Variants in PLXNA3 observed in about 807,000 individuals in gnomAD.
PLXNA3 encodes the protein plexin A3.
PLXNA3 carries 52 observed loss-of-function variants against 118.8 expected under a neutral mutation model. That is an observed-to-expected ratio of 0.44 (90% CI 0.35 to 0.55). PLXNA3 has a LOEUF of 0.55. Ranked by LOEUF, PLXNA3 falls within the 20% of genes least tolerant of loss-of-function variation. The probability of loss-of-function intolerance (pLI) is 0.01; values close to 1 mark genes in which losing one functional copy is unlikely to be tolerated. For missense variants in PLXNA3, 1,660 were observed against 1,730.8 expected, an observed-to-expected ratio of 0.96 and a Z score of 0.73; for synonymous variants, 925 against 762.4, an observed-to-expected ratio of 1.21 and a Z score of -3.51.
In PLXNA3 at chrX:154,460,424, C is replaced by T. The variant is rs371800667; in HGVS notation, c.241C>T (p.Pro81Ser). ...VEDNARCYPP[P>S]SMRVCAHRLA... The stretch of plus-strand genomic sequence containing the variant: ...GGACAACGCTCGCTGCTACCCGCCC[C>T]CCAGCATGCGCGTGTGTGCCCACCG... The change falls in exon 2 of 33, where the codon CCC becomes TCC. Residue 81 changes from proline to serine, a missense_variant. By Grantham distance (74) the Pro-to-Ser change is moderately conservative. This residue lies in a region of PLXNA3 where 791 missense variants were observed against 652.1 expected (regional missense o/e 1.21). Transcript: ENST00000369682. 8.3e-7 allele frequency: 1 copy of T among 1,202,519 alleles called. No homozygotes were observed. The highest frequency in any genetic ancestry group is 1.1e-6 in the Non-Finnish European group (1 of 890,346).
Position 154,461,380 on chromosome X carries a change from G to A in PLXNA3, c.876G>A (p.Val292=), listed in dbSNP as rs782376676. 2.3e-5 allele frequency: 28 copies of A among 1,211,094 alleles called. No homozygotes were observed. The highest frequency in any genetic ancestry group is 2.9e-5 in the Non-Finnish European group (26 of 895,350). The change falls in exon 3 of 33, where the codon GTG becomes GTA. Residue 292 remains valine, a synonymous_variant. Transcript: ENST00000369682. ...GGCGCGGCGTGGAGTACCGCTTGGT[G>A]CAGAGCGCCCACCTGGCCAAGCCTG... ...CSWRGVEYRL[V]QSAHLAKPGL...
intron 1 of PLXNA3, among the ~76,000 whole-genome samples, chrX:154,458,921 G>A (rs2068887707): frequency 8.9e-6 from 1 of 111,804 alleles, no homozygotes; most frequent in South Asian, 3.8e-4. Flanking sequence ...CCTGTTCCTA[G>A]GCTTGTGTTC....
At chrX:154,466,871 G>A (rs948643363) in intron 17 of PLXNA3, 78 bp downstream of exon 17, 99 of 967,686 alleles carry the variant, frequency 1.0e-4, no homozygotes, top group Middle Eastern at 3.6e-4. Flanking sequence ...CTCCGGTGGG[G>A]CCCCTCCTGG....
In PLXNA3 at chrX:154,472,766, T is replaced by C. The variant is rs2069201546; in HGVS notation, c.*81T>C. On this transcript the variant is annotated 3_prime_UTR_variant, in exon 33 of 33. Transcript: ENST00000369682. ...GGGGAGTGGCTGGCTCAAGCCTGGGTCCCCGGGCTGAGCCCTGGATTGGGT... is the reference window on the plus strand; with the variant it reads ...GGGGAGTGGCTGGCTCAAGCCTGGGCCCCCGGGCTGAGCCCTGGATTGGGT... The C allele has an allele frequency of 6.0e-5, 44 of 737,972 alleles. No individual in the cohort carries two copies. The South Asian group carries it at 9.8e-4, about 16-fold the overall frequency. 60.8% of individuals were successfully genotyped at this position (737,972 alleles called of 1,213,427 possible). A position where few individuals can be genotyped will look rare whatever the true frequency, so the allele number is the denominator to read the frequency against.
rs2069201924 is a variant in PLXNA3 at position 154,472,794 on chromosome X, C to T, written c.*109C>T. 2 of 567,122 alleles carry T rather than the reference C, an allele frequency of 3.5e-6. No homozygotes were observed. The highest frequency in any genetic ancestry group is 6.1e-6 in the Non-Finnish European group (2 of 330,251). 46.7% of individuals were successfully genotyped at this position (567,122 alleles called of 1,213,427 possible). ...CCGGGCTGAGCCCTGGATTGGGTATCGTGGGGCAGGTCACCCTGGCCACGA... is the reference window on the plus strand; with the variant it reads ...CCGGGCTGAGCCCTGGATTGGGTATTGTGGGGCAGGTCACCCTGGCCACGA... On this transcript the variant is annotated 3_prime_UTR_variant, in exon 33 of 33. Transcript: ENST00000369682.
At chrX:154,471,048 G>C in intron 30 of PLXNA3, 57 bp from the exon 31 acceptor site, 2 of 1,029,763 alleles carry the variant, frequency 1.9e-6, no homozygotes, top group South Asian at 3.9e-5. Context: ...GCACATGGGA[G>C]GGGCCCCTTG....
At position 154,468,073 on chromosome X, in the gene PLXNA3, A is replaced by AC; in HGVS notation, c.3821-3dup. ...TCCTGCCCACTCATTCCCTCTCTCC[A>AC]CCCCCCAGCTTTTGCAGAGCTGCAG... On this transcript the variant is annotated splice_polypyrimidine_tract_variant and intron_variant, in intron 21 of 32. Coordinates refer to ENST00000369682, the MANE Select transcript of PLXNA3 (RefSeq NM_017514.5). 2 of 1,189,314 alleles carry AC rather than the reference A, an allele frequency of 1.7e-6. No individual in the cohort carries two copies. The highest frequency in any genetic ancestry group is 3.7e-5 in the South Asian group (2 of 53,650).
Position 154,460,198 on chromosome X carries a change from C to A in PLXNA3, c.15C>A (p.Cys5Ter). Residue 5 changes from cysteine (C) to a stop codon, truncating the protein, a stop_gained, in exon 2 of 33, where the codon TGC (cysteine) becomes TGA (stop). Transcript: ENST00000369682. LOFTEE classifies it high-confidence loss of function. The part of the protein sequence containing the change: MPSV[C>*]LLLLLFLAVG... ...GGCTGCCGGCCATGCCCTCTGTCTG[C>A]CTCCTCCTGCTGCTCTTCCTTGCCG... is the stretch of plus-strand genomic sequence containing the variant. The A allele has an allele frequency of 8.3e-7, 1 of 1,204,845 alleles. No individual in the cohort carries two copies. Among genetic ancestry groups the A allele is most frequent in the East Asian group, 3.0e-5 (1 of 33,838 alleles).
rs375560348 is a variant in PLXNA3, at chrX:154,467,582, G to A, written c.3479G>A (p.Arg1160His). 51 of 1,198,883 alleles carry A rather than the reference G, an allele frequency of 4.3e-5. No homozygotes were observed. In the East Asian group the frequency reaches 8.4e-4, roughly 20 times the overall value. Residue 1160 changes from arginine to histidine, a missense_variant, in exon 20 of 33, where the codon CGC becomes CAC. Coordinates refer to ENST00000369682, the MANE Select transcript of PLXNA3 (RefSeq NM_017514.5). ...ATTCCCGCTGCAGCCGGCAGCTCCC[G>A]CCTCAACTACACTGTGCTGATAGGA... ...NLIPAAAGSS[R>H]LNYTVLIGGQ...
At chrX:154,470,188 A>T (rs782304328) in intron 29 of PLXNA3, 21 bp downstream of exon 29, 3 of 1,196,055 alleles carry the variant, frequency 2.5e-6, no homozygotes, top group Non-Finnish European at 3.4e-6. Context: ...GCCTCTCGCC[A>T]CCTTGGCCTC....
At chrX:154,466,904 G>C in intron 17 of PLXNA3, 111 bp downstream of exon 17, 4 of 868,424 alleles carry the variant, frequency 4.6e-6, no homozygotes, top group Non-Finnish European at 6.4e-6. Context: ...CATTGGTGGA[G>C]GGGGTGGAGC....
chrX:154,461,698 C>G, intron 3 of PLXNA3, 60 bp downstream of exon 3: 3 of 1,045,712 alleles, frequency 2.9e-6, no homozygotes, highest in Non-Finnish European at 3.9e-6. Flanking sequence ...CCATGCCCAG[C>G]GTGGGCTCAC....
rs1342315849 is a variant in PLXNA3 at position 154,460,284 on chromosome X, C to A, written c.101C>A (p.Thr34Asn). 3 of 1,206,955 alleles carry A rather than the reference C, an allele frequency of 2.5e-6. No homozygotes were observed. The highest frequency in any genetic ancestry group is 4.4e-5 in the Admixed American group (2 of 45,930). The change falls in exon 2 of 33, where the codon ACC becomes AAC. Residue 34 changes from threonine to asparagine, a missense_variant. By Grantham distance (65) the Thr-to-Asn change is moderately conservative. Coordinates refer to ENST00000369682, the MANE Select transcript of PLXNA3 (RefSeq NM_017514.5). Reference protein sequence around the residue: ...RAFVVTDTTLTHLAVHRVTGE... With the variant: ...RAFVVTDTTLNHLAVHRVTGE... ...TTCGTGGTGACAGACACCACGCTTACCCACCTGGCTGTGCACCGGGTGACT... is the reference window on the plus strand; with the variant it reads ...TTCGTGGTGACAGACACCACGCTTAACCACCTGGCTGTGCACCGGGTGACT...
rs782752357 is a variant in PLXNA3, at chrX:154,466,358, G to T, written c.2800-18G>T. 1.1e-5 allele frequency: 13 copies of T among 1,211,534 alleles called. No homozygotes were observed. In the East Asian group the frequency reaches 3.8e-4, roughly 36 times the overall value. ...CAGCCCGGCCCGGCTCCTCCCCTCA[G>T]GGCAGCTTCTCCCGCAGACCCCAAC... On this transcript the variant is annotated intron_variant, in intron 15 of 32. Coordinates refer to ENST00000369682, the MANE Select transcript of PLXNA3 (RefSeq NM_017514.5).
Position 154,466,761 on chromosome X carries a change from C to G in PLXNA3, c.3075C>G (p.Val1025=). The change falls in exon 17 of 33, where the codon GTC becomes GTG. Residue 1025 remains valine (V), a synonymous_variant. Transcript: ENST00000369682. ...LIYTYTQDPT[V]TRLEPTWSII... ...ACACCTACACTCAGGACCCCACCGT[C>G]ACCCGCCTTGAGCCCACCTGGAGCA... 8.4e-7 allele frequency: 1 copy of G among 1,191,412 alleles called. No individual in the cohort carries two copies. The highest frequency in any genetic ancestry group is 1.1e-6 in the Non-Finnish European group (1 of 885,209).
Position 154,472,733 on chromosome X carries a change from C to G in PLXNA3, c.*48C>G, listed in dbSNP as rs781885283. ...GGGCTTCTCAGTCCTGTGCCGTCCT[C>G]CCATCCAGGGGAGTGGCTGGCTCAA... On this transcript the variant is annotated 3_prime_UTR_variant, in exon 33 of 33. Coordinates refer to ENST00000369682, the MANE Select transcript of PLXNA3 (RefSeq NM_017514.5). 4.1e-6 allele frequency: 4 copies of G among 966,172 alleles called. No individual in the cohort carries two copies. Among genetic ancestry groups the G allele is most frequent in the Non-Finnish European group, 5.9e-6 (4 of 674,374 alleles). 79.6% of individuals were successfully genotyped at this position (966,172 alleles called of 1,213,427 possible).
At chrX:154,461,704 C>T in intron 3 of PLXNA3, 66 bp downstream of exon 3, 1 of 1,037,547 alleles carries the variant, frequency 9.6e-7, no homozygotes. Context: ...CCAGCGTGGG[C>T]TCACGGCCAG....
rs200093414 is a variant in PLXNA3 at position 154,467,621 on chromosome X, C to A, written c.3518C>A (p.Ser1173Ter). Reference protein sequence around the residue: ...YTVLIGGQPCSLTVSDTQLLC... With the variant: ...YTVLIGGQPC ...GTGCTGATAGGAGGCCAGCCGTGTT[C>A]GCTCACTGTCTCGGACACACAACTC... The change falls in exon 20 of 33, where the codon TCG (serine) becomes TAG (stop). Residue 1173 changes from serine (S) to a stop codon, truncating the protein, a stop_gained. Transcript: ENST00000369682. LOFTEE classifies it high-confidence loss of function. The A allele has an allele frequency of 8.3e-7, 1 of 1,209,501 alleles. No homozygotes were observed. The highest frequency in any genetic ancestry group is 3.0e-5 in the East Asian group (1 of 33,781).
In PLXNA3 at chrX:154,474,283, G is replaced by A. The variant is rs2148258689; in HGVS notation, c.*1598G>A. 9.5e-6 allele frequency: 1 copy of A among 105,659 alleles called. No individual in the cohort carries two copies. The highest frequency in any genetic ancestry group is 3.4e-5 in the African/African-American group (1 of 28,997). The allele number at this position is 105,659 out of a possible 1,213,427, so 8.7% of individuals were successfully genotyped here. ...CCCACCTCAGCCTCCTGAATAGCTGGGTGTATTAGTGCACTCTACTATGCC... is the reference window on the plus strand; with the variant it reads ...CCCACCTCAGCCTCCTGAATAGCTGAGTGTATTAGTGCACTCTACTATGCC... On this transcript the variant is annotated 3_prime_UTR_variant, in exon 33 of 33. Coordinates refer to ENST00000369682, the MANE Select transcript of PLXNA3 (RefSeq NM_017514.5).
Sources: gnomAD v4.1 joint callset for allele counts (sites outside exome capture counted in the v4.1 genomes callset) on GRCh38, gnomAD v4.1.1 for gene constraint, gnomAD v4.1.1 regional missense constraint, MANE v1.5 for transcripts, NCBI Gene and HGNC (gene_info 2026-07-23, HGNC 2026-07-21) for gene names.